Variants in LARP4B observed in about 807,000 individuals in gnomAD.
LARP4B encodes la-related protein 4B.
A neutral mutation model predicts 89.8 loss-of-function variants in LARP4B; 12 were observed. The observed-to-expected ratio is 0.13, with a 90% CI of 0.09 to 0.22. The LOEUF is 0.22. Ranked by LOEUF, LARP4B falls within the 10% of genes least tolerant of loss-of-function variation. LARP4B has a pLI of 1.00. For synonymous variants in LARP4B, 367 were observed against 363.3 expected (o/e 1.01, Z -0.12); for missense variants, 757 against 947.7 (o/e 0.80, Z 2.64).
At chr10:930,565 C>T (rs1366412203) in intron 1 of LARP4B, among the ~76,000 whole-genome samples, 7 of 152,150 alleles carry the variant, frequency 4.6e-5, no homozygotes, top group African/African-American at 1.4e-4. Flanking sequence ...GAAGTTTCGA[C>T]GCACAACGGC....
At chr10:888,315 G>A (rs1036945804) in intron 1 of LARP4B, among the ~76,000 whole-genome samples, 1 of 148,152 alleles carries the variant, frequency 6.7e-6, no homozygotes, top group African/African-American at 2.5e-5. Flanking sequence ...GAGCAAGACT[G>A]TCTCAAAAAC....
At chr10:910,739 G>A (rs902650588) in intron 1 of LARP4B, among the ~76,000 whole-genome samples, 1 of 152,182 alleles carries the variant, frequency 6.6e-6, no homozygotes, top group African/African-American at 2.4e-5. Flanking sequence ...GGCAGATACT[G>A]GTGGTTACGT....
At chr10:833,717 C>T (rs372551695) in intron 8 of LARP4B, among the ~76,000 whole-genome samples, 3 of 152,054 alleles carry the variant, frequency 2.0e-5, no homozygotes, top group East Asian at 3.9e-4. Context: ...TTGTGAAACT[C>T]TGTCTCTACT....
At chr10:847,683 G>A (rs1022617133) in intron 5 of LARP4B, among the ~76,000 whole-genome samples, 3 of 151,904 alleles carry the variant, frequency 2.0e-5, no homozygotes, top group African/African-American at 7.3e-5. Flanking sequence ...CACACCACCA[G>A]GCCCAGCTAA....
chr10:857,264 C>G (rs980934680), intron 5 of LARP4B, among the ~76,000 whole-genome samples: 4 of 151,926 alleles, frequency 2.6e-5, no homozygotes, highest in African/African-American at 7.3e-5. Flanking sequence ...ATAAAGGAGA[C>G]AGCAGGTAAG....
Position 812,307 on chromosome 10 carries a change from T to A in LARP4B, c.*619A>T, listed in dbSNP as rs547977444. 6.5e-6 allele frequency: 1 copy of A among 152,734 alleles called. No homozygotes were observed. The highest frequency in any genetic ancestry group is 6.5e-5 in the Admixed American group (1 of 15,298). The allele number at this position is 152,734 out of a possible 1,614,324, so 9.5% of individuals were successfully genotyped here. ...TGCATCAGAACCAAGGTTTCTGGGG[T>A]GGCCCCTGCAGGTTCACTCCGCCCA... On this transcript the variant is annotated 3_prime_UTR_variant, in exon 18 of 18. Coordinates refer to ENST00000316157, the MANE Select transcript of LARP4B (RefSeq NM_015155.3).
At chr10:904,544 G>A (rs1056016897) in intron 1 of LARP4B, among the ~76,000 whole-genome samples, 1 of 151,954 alleles carries the variant, frequency 6.6e-6, no homozygotes, top group Non-Finnish European at 1.5e-5. Flanking sequence ...CTGGGCAACA[G>A]AGGAAGACTG....
At chr10:872,413 GT>G (rs1437511126) in intron 3 of LARP4B, among the ~76,000 whole-genome samples, 1 of 152,212 alleles carries the variant, frequency 6.6e-6, no homozygotes, top group African/African-American at 2.4e-5. Flanking sequence ...CAGCTACTGT[GT>G]CTACCCAGGT....
chr10:945,551 G>GCA, the LARP4B span, among the ~76,000 whole-genome samples: 2 of 152,026 alleles, frequency 1.3e-5, no homozygotes, highest in Non-Finnish European at 2.9e-5. Flanking sequence ...AGCCGGGCAT[G>GCA]GTGGCGGGCG....
upstream of LARP4B, among the ~76,000 whole-genome samples, chr10:935,904 T>G (rs367565651): frequency 1.9e-4 from 28 of 143,842 alleles, no homozygotes; most frequent in South Asian, 4.8e-3. Flanking sequence ...GTTTTTTTTT[T>G]TTGTTTGTTT....
At chr10:984,523 C>T in the LARP4B span, among the ~76,000 whole-genome samples, 3 of 152,272 alleles carry the variant, frequency 2.0e-5, no homozygotes, top group South Asian at 2.1e-4. Flanking sequence ...GCAGCTCTGA[C>T]GTGAGCAAGG....
chr10:909,060 T>G (rs192291111), intron 1 of LARP4B, among the ~76,000 whole-genome samples: 1 of 151,916 alleles, frequency 6.6e-6, no homozygotes, highest in Non-Finnish European at 1.5e-5. Flanking sequence ...TTTGGGAGGC[T>G]GAGGCGGGCA....
At chr10:947,754 T>C in the LARP4B span, among the ~76,000 whole-genome samples, 12 of 152,062 alleles carry the variant, frequency 7.9e-5, no homozygotes, top group Admixed American at 7.9e-4. Flanking sequence ...CCCAAGTAGC[T>C]GGGATTACAG....
the LARP4B span, among the ~76,000 whole-genome samples, chr10:965,467 C>T: frequency 1.3e-5 from 2 of 152,072 alleles, no homozygotes; most frequent in South Asian, 2.1e-4. Flanking sequence ...AATTCGAAGG[C>T]GATCCGTATT....
chr10:972,441 T>G, the LARP4B span: 3 of 443,308 alleles, frequency 6.8e-6, no homozygotes, highest in Non-Finnish European at 1.4e-5. Context: ...CTTCTATTCC[T>G]TATGTATTAC....
At chr10:962,032 C>T in the LARP4B span, among the ~76,000 whole-genome samples, 2 of 152,160 alleles carry the variant, frequency 1.3e-5, no homozygotes, top group African/African-American at 4.8e-5. Flanking sequence ...GTGGCTCACA[C>T]CTGTAATCCC....
chr10:951,184 C>T, the LARP4B span, among the ~76,000 whole-genome samples: 1 of 152,258 alleles, frequency 6.6e-6, no homozygotes, highest in East Asian at 1.9e-4. Flanking sequence ...CATTAAGTAT[C>T]CTGTTAGCTG....
intron 1 of LARP4B, among the ~76,000 whole-genome samples, chr10:913,874 A>T (rs775000752): frequency 3.3e-5 from 5 of 152,278 alleles, no homozygotes; most frequent in Middle Eastern, 3.4e-3. Context: ...AAGCCACTGC[A>T]CTCCAGCCTG....
upstream of LARP4B, among the ~76,000 whole-genome samples, chr10:936,145 T>C (rs1830746124): frequency 1.3e-5 from 2 of 152,160 alleles, no homozygotes; most frequent in South Asian, 2.1e-4. Flanking sequence ...CCTTTGCCCA[T>C]TGATTAAACA....
Sources: allele counts gnomAD v4.1 joint callset (sites outside exome capture counted in the v4.1 genomes callset), GRCh38; gene constraint gnomAD v4.1.1; transcripts MANE v1.5; gene names NCBI Gene and HGNC (gene_info 2026-07-23, HGNC 2026-07-21).